NEK1: variants seen among roughly 807,000 people sequenced by gnomAD.
The protein encoded by NEK1 is NIMA related kinase 1, also known as serine/threonine-protein kinase Nek1.
In NEK1, 137 loss-of-function variants were observed where a neutral mutation model predicts 182.1. That is an observed-to-expected ratio of 0.75 (90% CI 0.65 to 0.87). The LOEUF (loss-of-function observed/expected upper bound fraction) is 0.87. Ranked by LOEUF, NEK1 falls within the 40% of genes least tolerant of loss-of-function variation. The probability of loss-of-function intolerance (pLI) is 0.00; values close to 1 mark genes in which losing one functional copy is unlikely to be tolerated. For synonymous variants in NEK1, 513 were observed against 492.2 expected, an observed-to-expected ratio of 1.04 and a Z score of -0.56; for missense variants, 1,391 against 1,494.4, an observed-to-expected ratio of 0.93 and a Z score of 1.14.
intron 26 of NEK1, among the ~76,000 whole-genome samples, chr4:169,464,616 C>G (rs1266903842): frequency 1.3e-5 from 2 of 151,888 alleles, no homozygotes; most frequent in Admixed American, 1.3e-4. Context: ...AATGCTCAAC[C>G]TGTATTATGT....
chr4:169,523,296 C>T (rs1450390431), intron 19 of NEK1, among the ~76,000 whole-genome samples: 1 of 152,110 alleles, frequency 6.6e-6, no homozygotes, highest in Non-Finnish European at 1.5e-5. Flanking sequence ...AACCCTAGTA[C>T]CTCAGAATTA....
intron 2 of NEK1, among the ~76,000 whole-genome samples, chr4:169,608,447 A>T (rs910831299): frequency 6.6e-6 from 1 of 152,218 alleles, no homozygotes; most frequent in African/African-American, 2.4e-5. Context: ...CTAGATGCTA[A>T]AATACTGAAA....
chr4:169,561,378 C>T (rs1189844512), intron 16 of NEK1, 102 bp downstream of exon 16: 1 of 971,520 alleles, frequency 1.0e-6, no homozygotes. Context: ...ATTAATTGTA[C>T]ACTAAAGAAA....
chr4:169,448,384 T>G (rs920569388), intron 27 of NEK1, among the ~76,000 whole-genome samples: 2 of 152,142 alleles, frequency 1.3e-5, no homozygotes, highest in East Asian at 3.8e-4. Context: ...CAGTTTAAAA[T>G]AGTGGGTTAT....
intron 19 of NEK1, among the ~76,000 whole-genome samples, chr4:169,510,715 T>C (rs1368511877): frequency 1.3e-5 from 2 of 152,184 alleles, no homozygotes; most frequent in African/African-American, 4.8e-5. Flanking sequence ...GTAAAGCCAT[T>C]TGTGATCTCG....
chr4:169,492,658 G>T (rs1750331036), intron 23 of NEK1, among the ~76,000 whole-genome samples: 2 of 152,220 alleles, frequency 1.3e-5, no homozygotes, highest in South Asian at 2.1e-4. Context: ...TGTACCTGTG[G>T]TGCCACTCCC....
chr4:169,431,808 G>GA (rs34964056), intron 29 of NEK1, among the ~76,000 whole-genome samples: 1 of 150,714 alleles, frequency 6.6e-6, no homozygotes, highest in Non-Finnish European at 1.5e-5. Flanking sequence ...TAGAAAAACT[G>GA]AAAAAAAATT....
chr4:169,431,675 T>C (rs900230951), intron 29 of NEK1, among the ~76,000 whole-genome samples: 2 of 151,830 alleles, frequency 1.3e-5, no homozygotes, highest in African/African-American at 4.8e-5. Flanking sequence ...ATGTCAGTAA[T>C]CCCAGCTCTT....
intron 16 of NEK1, among the ~76,000 whole-genome samples, chr4:169,558,289 T>C (rs941350682): frequency 3.9e-5 from 6 of 152,238 alleles, no homozygotes; most frequent in African/African-American, 1.4e-4. Context: ...AATATGTTTG[T>C]TTGAGACATA....
At chr4:169,445,195 G>C (rs537318118) in intron 27 of NEK1, among the ~76,000 whole-genome samples, 28 of 151,782 alleles carry the variant, frequency 1.8e-4, no homozygotes, top group African/African-American at 6.3e-4. Flanking sequence ...TGATGTAGGA[G>C]AATCCTTGAG....
chr4:169,521,000 G>C (rs1430343254), intron 19 of NEK1, among the ~76,000 whole-genome samples: 2 of 63,512 alleles, frequency 3.1e-5, no homozygotes, highest in Admixed American at 1.9e-4. Context: ...GCCTACAGAG[G>C]CAGGCAGGCC....
At chr4:169,456,736 A>G (rs1269734501) in intron 27 of NEK1, among the ~76,000 whole-genome samples, 1 of 152,228 alleles carries the variant, frequency 6.6e-6, no homozygotes, top group Non-Finnish European at 1.5e-5. Flanking sequence ...GGAAATCAGT[A>G]TATCAAACAG....
chr4:169,578,582 C>T (rs186963468), intron 11 of NEK1, among the ~76,000 whole-genome samples: 112 of 152,056 alleles, frequency 7.4e-4, no homozygotes, highest in Admixed American at 1.1e-3. Context: ...TTAAAAGAAA[C>T]AAAACTTCTA....
At chr4:169,402,579 T>C (rs368111898) in intron 32 of NEK1, among the ~76,000 whole-genome samples, 10 of 152,220 alleles carry the variant, frequency 6.6e-5, no homozygotes, top group East Asian at 5.8e-4. Context: ...TTTCATGGGA[T>C]TATAGATGCT....
intron 23 of NEK1, among the ~76,000 whole-genome samples, chr4:169,503,985 G>C (rs1752818846): frequency 6.6e-6 from 1 of 152,156 alleles, no homozygotes; most frequent in Non-Finnish European, 1.5e-5. Flanking sequence ...CATCTGACAA[G>C]GGATTAATAA....
rs374334909 is a variant in NEK1, at chr4:169,603,993, G to A, written c.-48-1315C>T. ...TGAGATTAGAGGTGTGAGCCACCAT[G>A]AGCGGCCACATTTATTGAACATTTC... On this transcript the variant is annotated intron_variant, in intron 2 of 35. Coordinates refer to ENST00000507142, the MANE Select transcript of NEK1 (RefSeq NM_001199397.3). Among the ~76,000 whole-genome samples the A allele has an allele frequency of 1.6e-4, 24 of 152,070 alleles. 1 individual carries two copies. The highest frequency in any genetic ancestry group is 9.8e-4 in the Admixed American group (15 of 15,272).
intron 31 of NEK1, among the ~76,000 whole-genome samples, chr4:169,414,153 G>A (rs1734128861): frequency 6.6e-6 from 1 of 152,030 alleles, no homozygotes; most frequent in Non-Finnish European, 1.5e-5. Flanking sequence ...TTTATTAGAT[G>A]GTAGTTCATA....
intron 12 of NEK1, among the ~76,000 whole-genome samples, chr4:169,562,843 T>C (rs772077863): frequency 6.6e-6 from 1 of 152,180 alleles, no homozygotes; most frequent in Non-Finnish European, 1.5e-5. Context: ...GATATTTACA[T>C]TTCTTCTTTT....
At chr4:169,600,327 C>A (rs1301219124) in intron 4 of NEK1, among the ~76,000 whole-genome samples, 1 of 152,002 alleles carries the variant, frequency 6.6e-6, no homozygotes, top group Non-Finnish European at 1.5e-5. Context: ...GTAGGTGGAA[C>A]CGCAGGCACA....
Sources: allele counts gnomAD v4.1 joint callset (sites outside exome capture counted in the v4.1 genomes callset), GRCh38; gene constraint gnomAD v4.1.1; transcripts MANE v1.5; gene names NCBI Gene and HGNC (gene_info 2026-07-23, HGNC 2026-07-21).